The following CDKAL1 variants were observed in gnomAD, a reference collection of about 807,000 sequenced individuals.
The protein encoded by CDKAL1 is CDKAL1 threonylcarbamoyladenosine tRNA methylthiotransferase.
CDKAL1 carries 32 observed loss-of-function variants against 68.2 expected under a neutral mutation model. The ratio of observed to expected loss-of-function variants is 0.47; its 90% CI spans 0.35 to 0.63. The LOEUF is 0.63. Ranked by LOEUF, CDKAL1 falls within the 30% of genes least tolerant of loss-of-function variation. The pLI is 0.00. For synonymous variants in CDKAL1, 234 were observed against 244.3 expected (o/e 0.96, Z 0.39); for missense variants, 606 against 696.7 (o/e 0.87, Z 1.47).
chr6:21,164,887 G>A (rs761745260), intron 13 of CDKAL1, among the ~76,000 whole-genome samples: 39 of 152,158 alleles, frequency 2.6e-4, no homozygotes, highest in Non-Finnish European at 1.5e-5. Flanking sequence ...AAATGTCTTT[G>A]CCATCACTAG....
intron 11 of CDKAL1, among the ~76,000 whole-genome samples, chr6:21,035,108 T>A (rs1052605184): frequency 6.6e-6 from 1 of 152,184 alleles, no homozygotes; most frequent in African/African-American, 2.4e-5. Context: ...TTTTTGTGCA[T>A]GTTGATATTT....
At chr6:20,909,367 G>T (rs1470639379) in intron 9 of CDKAL1, among the ~76,000 whole-genome samples, 5 of 152,150 alleles carry the variant, frequency 3.3e-5, no homozygotes, top group African/African-American at 1.2e-4. Context: ...ACCGTCCAAA[G>T]AATATATCCC....
At chr6:20,583,365 G>C (rs922320367) in intron 4 of CDKAL1, among the ~76,000 whole-genome samples, 2 of 152,128 alleles carry the variant, frequency 1.3e-5, no homozygotes, top group South Asian at 2.1e-4. Context: ...TACTTTGAAT[G>C]TAAGAGTAAT....
Position 20,771,773 on chromosome 6 carries a change from G to T in CDKAL1, c.518-9372G>T, listed in dbSNP as rs1422691559. On this transcript the variant is annotated intron_variant, in intron 7 of 15. Coordinates refer to ENST00000274695, the MANE Select transcript of CDKAL1 (RefSeq NM_017774.3). ...AGTGTGTGTTATCTGTCCCCTTCGTGTCTTTTCTTGTTCCTACTCTCCCCG... is the reference window on the plus strand; with the variant it reads ...AGTGTGTGTTATCTGTCCCCTTCGTTTCTTTTCTTGTTCCTACTCTCCCCG... Among the ~76,000 whole-genome samples the T allele has an allele frequency of 2.0e-5, 3 of 152,042 alleles. No individual in the cohort carries two copies. The East Asian group carries it at 5.8e-4, about 29-fold the overall frequency.
intron 6 of CDKAL1, 78 bp downstream of exon 6, chr6:20,739,693 T>A (rs548002111): frequency 3.4e-5 from 26 of 756,916 alleles, no homozygotes; most frequent in East Asian, 3.2e-4. Context: ...TATTTTCTGT[T>A]TGTAGGTTAT....
At chr6:20,970,612 C>G (rs1358428243) in intron 10 of CDKAL1, among the ~76,000 whole-genome samples, 1 of 152,174 alleles carries the variant, frequency 6.6e-6, no homozygotes, top group Non-Finnish European at 1.5e-5. Flanking sequence ...GCATCAATCA[C>G]TTATGGTGCT....
chr6:20,650,966 A>G (rs1768736696), intron 5 of CDKAL1, among the ~76,000 whole-genome samples: 1 of 152,108 alleles, frequency 6.6e-6, no homozygotes, highest in Non-Finnish European at 1.5e-5. Flanking sequence ...GCCTTGTAGT[A>G]TAGTTTGAAG....
intron 4 of CDKAL1, among the ~76,000 whole-genome samples, chr6:20,589,470 A>G (rs1043355231): frequency 6.6e-6 from 1 of 152,200 alleles, no homozygotes; most frequent in African/African-American, 2.4e-5. Context: ...TAGCTTTGTA[A>G]GTAGAATTTC....
chr6:21,204,782 G>C (rs113517383), intron 15 of CDKAL1, among the ~76,000 whole-genome samples: 1 of 150,362 alleles, frequency 6.7e-6, no homozygotes, highest in African/African-American at 2.4e-5. Context: ...GTTTTTGTGT[G>C]TTTTAATTGT....
chr6:21,093,828 C>A (rs1030342195), intron 12 of CDKAL1, among the ~76,000 whole-genome samples: 1 of 147,660 alleles, frequency 6.8e-6, no homozygotes, highest in Non-Finnish European at 1.5e-5. Context: ...CTCAAGCAAT[C>A]CTCCCACCTC....
intron 9 of CDKAL1, among the ~76,000 whole-genome samples, chr6:20,903,989 T>C (rs1762121765): frequency 6.6e-6 from 1 of 152,188 alleles, no homozygotes; most frequent in Admixed American, 6.5e-5. Flanking sequence ...GTCCTTAGCA[T>C]GGTAGCAGCT....
intron 8 of CDKAL1, among the ~76,000 whole-genome samples, chr6:20,815,354 G>A (rs1198542881): frequency 6.6e-6 from 1 of 152,074 alleles, no homozygotes; most frequent in Admixed American, 6.6e-5. Context: ...TAGAAGAAGT[G>A]TTTTAGGTTC....
chr6:20,537,071 G>T (rs1334453426), intron 2 of CDKAL1, among the ~76,000 whole-genome samples: 2 of 151,908 alleles, frequency 1.3e-5, no homozygotes, highest in African/African-American at 4.8e-5. Flanking sequence ...ACAGAGTCTC[G>T]CTCTGTCGCC....
intron 10 of CDKAL1, among the ~76,000 whole-genome samples, chr6:20,964,970 G>T (rs1465204101): frequency 6.6e-6 from 1 of 152,116 alleles, no homozygotes; most frequent in Non-Finnish European, 1.5e-5. Context: ...GGATACCATG[G>T]TTGTCAAGAT....
intron 8 of CDKAL1, among the ~76,000 whole-genome samples, chr6:20,829,770 G>A (rs181049632): frequency 5.3e-5 from 8 of 152,174 alleles, no homozygotes; most frequent in Non-Finnish European, 1.0e-4. Flanking sequence ...AGAGATGTGG[G>A]TCTACAAACA....
At chr6:21,166,636 C>A (rs909479167) in intron 13 of CDKAL1, among the ~76,000 whole-genome samples, 7 of 152,120 alleles carry the variant, frequency 4.6e-5, no homozygotes, top group African/African-American at 1.4e-4. Context: ...ATTAAAAAAA[C>A]TTCAGTGGAC....
chr6:20,951,177 C>A (rs1764509901), intron 9 of CDKAL1, among the ~76,000 whole-genome samples: 1 of 152,092 alleles, frequency 6.6e-6, no homozygotes, highest in Non-Finnish European at 1.5e-5. Context: ...AGAGACTACT[C>A]ATGAATAATT....
intron 10 of CDKAL1, among the ~76,000 whole-genome samples, chr6:20,992,008 TC>T (rs1412238218): frequency 6.8e-6 from 1 of 146,928 alleles, no homozygotes; most frequent in Admixed American, 6.8e-5. Flanking sequence ...TTTATACTTT[TC>T]CCCCACCTTT....
At chr6:21,018,484 A>G (rs900726547) in intron 11 of CDKAL1, among the ~76,000 whole-genome samples, 1 of 152,098 alleles carries the variant, frequency 6.6e-6, no homozygotes, top group Non-Finnish European at 1.5e-5. Context: ...ATATGTTGCT[A>G]TTTTCACTGA....
Sources: gnomAD v4.1 joint callset for allele counts (sites outside exome capture counted in the v4.1 genomes callset) on GRCh38, gnomAD v4.1.1 for gene constraint, MANE v1.5 for transcripts, NCBI Gene and HGNC (gene_info 2026-07-23, HGNC 2026-07-21) for gene names.